Variants in STRN observed in about 807,000 individuals in gnomAD.
STRN encodes the protein protein phosphatase 2 regulatory subunit B'''alpha.
In STRN, 53 loss-of-function variants were observed where a neutral mutation model predicts 96.3. The observed-to-expected ratio is 0.55, with a 90% confidence interval of 0.44 to 0.69. STRN has a LOEUF of 0.69. STRN is among the 30% of genes least tolerant of loss of function. The probability of loss-of-function intolerance (pLI) is 0.00; values close to 1 mark genes in which losing one functional copy is unlikely to be tolerated. For missense variants in STRN, 987 were observed against 963.9 expected, an observed-to-expected ratio of 1.02 and a Z score of -0.32; for synonymous variants, 428 against 355.9, an observed-to-expected ratio of 1.20 and a Z score of -2.28.
At chr2:36,918,350 T>C (rs1269652654) in intron 2 of STRN, among the ~76,000 whole-genome samples, 3 of 152,220 alleles carry the variant, frequency 2.0e-5, no homozygotes, top group African/African-American at 7.2e-5. Context: ...AAAGTAGTAA[T>C]ACCTGCTAGA....
chr2:36,875,055 A>T (rs1271625763), intron 10 of STRN, among the ~76,000 whole-genome samples: 2 of 152,228 alleles, frequency 1.3e-5, no homozygotes, highest in East Asian at 3.8e-4. Context: ...AACAAGAATG[A>T]CATATAAGTA....
intron 7 of STRN, among the ~76,000 whole-genome samples, chr2:36,889,786 G>A (rs1669338696): frequency 6.6e-6 from 1 of 151,956 alleles, no homozygotes; most frequent in Non-Finnish European, 1.5e-5. Context: ...TCAAACTACT[G>A]GTAAAGAAAC....
In STRN at chr2:36,886,829, A is replaced by G. The variant is rs1669243333; in HGVS notation, c.932-3T>C. On this transcript the variant is annotated splice_region_variant and splice_polypyrimidine_tract_variant and intron_variant, in intron 7 of 17. Coordinates refer to ENST00000263918, the MANE Select transcript of STRN (RefSeq NM_003162.4). ...CATGAGACACTGGTCTTCCTTTTCT[A>G]AACAGAGTGAAACAAATGAAACAGC... 6.2e-7 allele frequency: 1 copy of G among 1,604,214 alleles called. No homozygotes were observed. Among genetic ancestry groups the G allele is most frequent in the Non-Finnish European group, 8.5e-7 (1 of 1,175,298 alleles).
intron 10 of STRN, among the ~76,000 whole-genome samples, chr2:36,875,909 G>A (rs1008470400): frequency 5.9e-5 from 9 of 152,124 alleles, no homozygotes; most frequent in East Asian, 3.9e-4. Context: ...TGCCCGCCTC[G>A]GCCTCCCAAA....
intron 2 of STRN, among the ~76,000 whole-genome samples, chr2:36,916,361 A>G (rs1165902717): frequency 6.6e-6 from 1 of 152,166 alleles, no homozygotes; most frequent in Non-Finnish European, 1.5e-5. Flanking sequence ...CCTTATAACA[A>G]AATAAAGGAA....
At chr2:36,959,667 G>T (rs1311851001) in intron 1 of STRN, among the ~76,000 whole-genome samples, 1 of 152,012 alleles carries the variant, frequency 6.6e-6, no homozygotes, top group African/African-American at 2.4e-5. Context: ...TCATCAGAAA[G>T]AACAATGGAA....
At chr2:36,865,454 T>G (rs562983442) in intron 12 of STRN, among the ~76,000 whole-genome samples, 54 of 152,324 alleles carry the variant, frequency 3.5e-4, no homozygotes, top group African/African-American at 1.1e-3. Flanking sequence ...TACGTTTTTT[T>G]TGTGTGTCTC....
chr2:36,937,948 C>T (rs1190843635), intron 1 of STRN, among the ~76,000 whole-genome samples: 1 of 151,976 alleles, frequency 6.6e-6, no homozygotes, highest in Non-Finnish European at 1.5e-5. Flanking sequence ...GGCAAAGAAA[C>T]ATGAAACTAA....
intron 7 of STRN, 105 bp downstream of exon 7, chr2:36,893,793 A>AT: frequency 1.4e-6 from 2 of 1,380,616 alleles, no homozygotes; most frequent in Non-Finnish European, 1.9e-6. Flanking sequence ...AGTTCACAGA[A>AT]TGCTCAATAT....
At chr2:36,954,635 C>CTTT (rs1250882115) in intron 1 of STRN, among the ~76,000 whole-genome samples, 1 of 141,284 alleles carries the variant, frequency 7.1e-6, no homozygotes. Context: ...GAGAGAACCA[C>CTTT]TTTTTTTTTT....
At chr2:36,920,050 AT>A (rs1288577776) in intron 2 of STRN, among the ~76,000 whole-genome samples, 1 of 150,524 alleles carries the variant, frequency 6.6e-6, no homozygotes, top group Non-Finnish European at 1.5e-5. Context: ...ATCATGTAAA[AT>A]CATGATCTTT....
At chr2:36,917,002 G>C (rs1670117257) in intron 2 of STRN, among the ~76,000 whole-genome samples, 1 of 148,014 alleles carries the variant, frequency 6.8e-6, no homozygotes, top group Non-Finnish European at 1.5e-5. Flanking sequence ...TATTCAATGT[G>C]TTAAGACTGG....
At chr2:36,895,955 A>C (rs1279626493) in intron 6 of STRN, among the ~76,000 whole-genome samples, 1 of 152,038 alleles carries the variant, frequency 6.6e-6, no homozygotes, top group Non-Finnish European at 1.5e-5. Flanking sequence ...GTGTATCTGA[A>C]GAGTTATGCC....
At chr2:36,878,760 T>C (rs1047344693) in intron 9 of STRN, among the ~76,000 whole-genome samples, 2 of 152,122 alleles carry the variant, frequency 1.3e-5, no homozygotes, top group Non-Finnish European at 2.9e-5. Context: ...TTTTTTTTTA[T>C]GTTTTTTTCT....
chr2:36,927,194 A>G (rs1670432834), intron 1 of STRN, among the ~76,000 whole-genome samples: 1 of 152,102 alleles, frequency 6.6e-6, no homozygotes. Flanking sequence ...CTTCAAGCAT[A>G]AGAGAAATTA....
chr2:36,880,132 TA>T (rs1232195113), intron 9 of STRN, among the ~76,000 whole-genome samples: 2 of 152,214 alleles, frequency 1.3e-5, no homozygotes, highest in Non-Finnish European at 2.9e-5. Context: ...CATGCCTGGC[TA>T]ATTTTTGTAT....
At chr2:36,940,836 CA>C (rs56996485) in intron 1 of STRN, among the ~76,000 whole-genome samples, 513 of 46,510 alleles carry the variant, frequency 0.011, 3 homozygotes, top group African/African-American at 0.023. Flanking sequence ...GACTCTGTCT[CA>C]AAAAAAAAAA....
At chr2:36,906,211 C>A (rs1669814286) in intron 3 of STRN, among the ~76,000 whole-genome samples, 1 of 152,128 alleles carries the variant, frequency 6.6e-6, no homozygotes, top group South Asian at 2.1e-4. Flanking sequence ...CGCCTATAAT[C>A]CCAGCAATTT....
chr2:36,860,974 A>G (rs527393246), intron 13 of STRN, among the ~76,000 whole-genome samples, 158 bp downstream of exon 13: 12 of 152,342 alleles, frequency 7.9e-5, no homozygotes, highest in Admixed American at 1.3e-4. Flanking sequence ...ATATCAAGTT[A>G]ATTCCTAAAT....
Sources: gnomAD v4.1 joint callset for allele counts (sites outside exome capture counted in the v4.1 genomes callset) on GRCh38, gnomAD v4.1.1 for gene constraint, MANE v1.5 for transcripts, NCBI Gene and HGNC (gene_info 2026-07-23, HGNC 2026-07-21) for gene names.